RPL3: variants seen among roughly 807,000 people sequenced by gnomAD.
The protein encoded by RPL3 is ribosomal protein L3, also known as large ribosomal subunit protein uL3.
A neutral mutation model predicts 46.0 loss-of-function variants in RPL3; 3 were observed. That is an observed-to-expected ratio of 0.07 (90% CI 0.03 to 0.17). The LOEUF is 0.17. Among genes scored for constraint, RPL3 ranks in the 10% least tolerant of loss-of-function variants. RPL3 has a pLI of 1.00. For synonymous variants in RPL3, 224 were observed against 190.8 expected (o/e 1.17, Z -1.43); for missense variants, 387 against 532.7 (o/e 0.73, Z 2.69).
chr22:39,317,587 T>A lies in RPL3; in HGVS notation c.239A>T (p.Glu80Val). 6.2e-7 allele frequency: 1 copy of A among 1,613,938 alleles called. No individual in the cohort carries two copies. The highest frequency in any genetic ancestry group is 1.7e-5 in the Admixed American group (1 of 60,010). Residue 80 changes from glutamate (E) to valine (V), a missense_variant, in exon 3 of 10, where the codon GAG becomes GTG. Physicochemically the swap from Glu to Val is moderately radical, Grantham distance 121. This residue lies in a region of RPL3 where 196 missense variants were observed against 217.5 expected (regional missense o/e 0.90). Transcript: ENST00000216146. ...GCCCACAACCACCATGGGTGGTGTC[T>A]CTACAATGGTCACAGCCTCCACCAC... The part of the protein sequence containing the change: ...KEVVEAVTIV[E>V]TPPMVVVGIV...
chr22:39,317,893 G>C (rs1338235220), intron 2 of RPL3: 5 of 480,398 alleles, frequency 1.0e-5, no homozygotes, highest in African/African-American at 1.9e-5. Context: ...AGGCAGACAA[G>C]ATTGCTATTT....
chr22:39,315,781 G>A (rs1922650145), intron 4 of RPL3, among the ~76,000 whole-genome samples: 1 of 152,184 alleles, frequency 6.6e-6, no homozygotes, highest in African/African-American at 2.4e-5. Context: ...GAGCGGACAA[G>A]ACCCACACCA....
At chr22:39,314,939 T>TCTGA in intron 5 of RPL3, 93 bp from the exon 6 acceptor site, 1 of 1,510,634 alleles carries the variant, frequency 6.6e-7, no homozygotes, top group South Asian at 1.2e-5. Context: ...GGCTGGGTCA[T>TCTGA]CTGAGGGAGT....
At chr22:39,314,262 C>A (rs1222610668) in intron 6 of RPL3, 54 bp from the exon 7 acceptor site, 1 of 1,490,974 alleles carries the variant, frequency 6.7e-7, no homozygotes, top group Non-Finnish European at 9.4e-7. Flanking sequence ...ATAACCCAGA[C>A]ATGCCAGTGT....
At chr22:39,318,329 T>C (rs1922832319) in intron 2 of RPL3, 71 bp downstream of exon 2, 1 of 1,540,306 alleles carries the variant, frequency 6.5e-7, no homozygotes, top group South Asian at 1.2e-5. Flanking sequence ...TGCTAACAGC[T>C]TGACTCCATC....
chr22:39,313,518 A>G (rs2146509830), intron 8 of RPL3, 116 bp downstream of exon 8: 1 of 1,254,208 alleles, frequency 8.0e-7, no homozygotes, highest in Non-Finnish European at 1.1e-6. Flanking sequence ...CCAGTGTGAA[A>G]GGACTGCCAA....
chr22:39,318,965 A>G, intron 1 of RPL3: 2 of 533,632 alleles, frequency 3.7e-6, no homozygotes, highest in Admixed American at 3.9e-5. Flanking sequence ...GCTGGGTAGC[A>G]GCTAGCAATG....
At position 39,319,546 on chromosome 22, in the gene RPL3, G is replaced by C. The variant is rs765140633; in HGVS notation, c.3+49C>G. On this transcript the variant is annotated intron_variant, in intron 1 of 9. Transcript: ENST00000216146. ...ATGGCGGCGATGCGTCGCGGATTCA[G>C]CCGTGCCGACGCCGGTGACAATGAA... 31 of 1,558,204 alleles carry C rather than the reference G, an allele frequency of 2.0e-5. No individual in the cohort carries two copies. The highest frequency in any genetic ancestry group is 2.6e-5 in the Non-Finnish European group (30 of 1,150,910).
In RPL3 at chr22:39,315,446, T is replaced by C. The variant is rs1477404214; in HGVS notation, c.611A>G (p.Gln204Arg). The C allele has an allele frequency of 2.5e-6, 4 of 1,613,890 alleles. No homozygotes were observed. The highest frequency in any genetic ancestry group is 3.4e-6 in the Non-Finnish European group (4 of 1,180,058). Residue 204 changes from glutamine (Q) to arginine (R), a missense_variant, in exon 5 of 10, where the codon CAG (glutamine) becomes CGG (arginine). Around this residue, in one of 5 missense-constraint regions of RPL3, gnomAD observed 48 missense variants for 80.7 expected, o/e 0.60. Coordinates refer to ENST00000216146, the MANE Select transcript of RPL3 (RefSeq NM_000967.4). Reference protein sequence around the residue: ...LDWARERLEQQVPVNQVFGQD... With the variant: ...LDWARERLEQRVPVNQVFGQD... ...CCCAAACACTTGGTTCACAGGTACC[T>C]GCTGCTCAAGCCTCTCGCGGGCCCA...
At chr22:39,313,165 C>CG in intron 9 of RPL3, 26 bp downstream of exon 9, 1 of 1,604,848 alleles carries the variant, frequency 6.2e-7, no homozygotes, top group South Asian at 1.1e-5. Context: ...CCACACCCAG[C>CG]GAGGGGGGCA....
At chr22:39,314,062 A>G (rs775198982) in intron 7 of RPL3, 45 bp downstream of exon 7, 1 of 1,534,532 alleles carries the variant, frequency 6.5e-7, no homozygotes, top group African/African-American at 1.4e-5. Context: ...CCCCAAAAGC[A>G]CGAGGCCTGG....
At position 39,314,223 on chromosome 22, in the gene RPL3, A is replaced by C. The variant is rs1281083301; in HGVS notation, c.850-15T>G. 1.9e-6 allele frequency: 3 copies of C among 1,608,752 alleles called. No individual in the cohort carries two copies. The African/African-American group carries it at 4.0e-5, about 22-fold the overall frequency. ...ATCTTATAAATCTGAATGAACAAGA[A>C]GGGTGTAAGGCTGGGGCATTAGGGA... On this transcript the variant is annotated splice_polypyrimidine_tract_variant and intron_variant, in intron 6 of 9. Coordinates refer to ENST00000216146, the MANE Select transcript of RPL3 (RefSeq NM_000967.4).
chr22:39,316,771 G>C lies in RPL3; in HGVS notation c.436C>G (p.Leu146Val). The C allele has an allele frequency of 1.2e-6, 2 of 1,613,858 alleles. No homozygotes were observed. The highest frequency in any genetic ancestry group is 8.5e-7 in the Non-Finnish European group (1 of 1,179,936). ...TTCATGCTGCTGAAGTCCTTCTCCAGCTGCTTCTTGCCATCCTCATCCTGC... is the reference window on the plus strand; with the variant it reads ...TTCATGCTGCTGAAGTCCTTCTCCACCTGCTTCTTGCCATCCTCATCCTGC... ...KWQDEDGKKQ[L>V]EKDFSSMKKY... The change falls in exon 4 of 10, where the codon CTG becomes GTG. Residue 146 changes from leucine to valine, a missense_variant. Leu to Val is a conservative substitution (Grantham distance 32, BLOSUM62 1). This residue lies in a region of RPL3 where 196 missense variants were observed against 217.5 expected (regional missense o/e 0.90). Coordinates refer to ENST00000216146, the MANE Select transcript of RPL3 (RefSeq NM_000967.4).
chr22:39,317,882 G>A (rs1321165267), intron 2 of RPL3: 2 of 497,256 alleles, frequency 4.0e-6, no homozygotes, highest in Admixed American at 6.8e-5. Flanking sequence ...GAAACCTCTG[G>A]AGGCAGACAA....
intron 8 of RPL3, 80 bp from the exon 9 acceptor site, chr22:39,313,390 T>G (rs1601626410): frequency 3.8e-6 from 6 of 1,581,034 alleles, no homozygotes; most frequent in Non-Finnish European, 3.4e-6. Context: ...CCCCTGCATC[T>G]GGGAAGCCAC....
intron 1 of RPL3, chr22:39,319,209 C>T (rs1036221904): frequency 5.6e-6 from 3 of 538,378 alleles, no homozygotes; most frequent in Admixed American, 2.1e-5. Flanking sequence ...TTCTTTACCT[C>T]CCAATGAGAA....
At chr22:39,319,519 G>C (rs41274553) in intron 1 of RPL3, 76 bp downstream of exon 1, 4 of 1,546,710 alleles carry the variant, frequency 2.6e-6, no homozygotes, top group Non-Finnish European at 3.5e-6. Flanking sequence ...GGCCAAGACG[G>C]GATGGCGGCG....
chr22:39,313,554 A>AC lies in RPL3; in HGVS notation c.1047+79dup, dbSNP rs1250007361. 4.2e-6 allele frequency: 6 copies of AC among 1,419,688 alleles called. No homozygotes were observed. In the African/African-American group the frequency reaches 8.5e-5, roughly 20 times the overall value. 87.9% of individuals were successfully genotyped at this position (1,419,688 alleles called of 1,614,324 possible). A position where few individuals can be genotyped will look rare whatever the true frequency, so the allele number is the denominator to read the frequency against. On this transcript the variant is annotated intron_variant, in intron 8 of 9. Coordinates refer to ENST00000216146, the MANE Select transcript of RPL3 (RefSeq NM_000967.4). ...CACCCTCTCCTTCCTTTCCTCTCCCACCACAGGGCCACCAGCGTCTGTGGC... is the reference window on the plus strand; with the variant it reads ...CACCCTCTCCTTCCTTTCCTCTCCCACCCACAGGGCCACCAGCGTCTGTGGC...
chr22:39,317,024 G>C (rs946908084), intron 3 of RPL3, 183 bp from the exon 4 acceptor site: 12 of 838,412 alleles, frequency 1.4e-5, no homozygotes. Context: ...GAGCGGAGCT[G>C]AGCAGAGGTC....
Sources: allele counts gnomAD v4.1 joint callset (sites outside exome capture counted in the v4.1 genomes callset), GRCh38; gene constraint gnomAD v4.1.1; regional missense constraint gnomAD v4.1.1; transcripts MANE v1.5; gene names NCBI Gene and HGNC (gene_info 2026-07-23, HGNC 2026-07-21).